Variants in GYG2 observed in about 807,000 individuals in gnomAD.
The protein encoded by GYG2 is glycogenin 2.
GYG2 carries 29 observed loss-of-function variants against 29.4 expected under a neutral mutation model. The ratio of observed to expected loss-of-function variants is 0.99; its 90% CI spans 0.74 to 1.35. The LOEUF is 1.35. Ranked by LOEUF, GYG2 falls within the 40% of genes most tolerant of loss-of-function variation. GYG2 has a pLI of 0.00. For missense variants in GYG2, 370 were observed against 385.7 expected (o/e 0.96, Z 0.34); for synonymous variants, 167 against 172.3 (o/e 0.97, Z 0.24).
chrX:2,861,595 C>T lies in GYG2; in HGVS notation c.911C>T (p.Thr304Ile). The change falls in exon 8 of 11, where the codon ACA (threonine) becomes ATA (isoleucine). Residue 304 changes from threonine (T) to isoleucine (I), a missense_variant. By Grantham distance (89) the Thr-to-Ile change is moderately conservative. Transcript: ENST00000398806. ...SGVGEPCENSTPSAGVPCANS... is the reference protein window; with the variant it reads ...SGVGEPCENSIPSAGVPCANS... ...GTTGGAGAGCCGTGTGAAAATTCAA[C>T]ACCCAGTGCGGGCGTGCCGTGTGCA... 8.3e-7 allele frequency: 1 copy of T among 1,207,476 alleles called. No individual in the cohort carries two copies. The highest frequency in any genetic ancestry group is 1.1e-6 in the Non-Finnish European group (1 of 892,236).
intron 10 of GYG2, chrX:2,877,958 G>A: frequency 2.7e-6 from 2 of 750,523 alleles, no homozygotes; most frequent in Non-Finnish European, 3.1e-6. Context: ...TACTGTGTTG[G>A]CTAAATGCCT....
At chrX:2,836,304 C>T (rs927942915) in intron 2 of GYG2, among the ~76,000 whole-genome samples, 3 of 110,904 alleles carry the variant, frequency 2.7e-5, no homozygotes, top group Non-Finnish European at 5.7e-5. Flanking sequence ...CCAGAATCTA[C>T]AGGGTGGAGC....
chrX:2,833,827 A>G (rs1032390878), intron 2 of GYG2, among the ~76,000 whole-genome samples: 1 of 112,177 alleles, frequency 8.9e-6, no homozygotes, highest in African/African-American at 3.2e-5. Context: ...GTGGCGATCA[A>G]TCACTGATCA....
At chrX:2,854,347 G>A (rs2087931471) in intron 4 of GYG2, among the ~76,000 whole-genome samples, 193 bp downstream of exon 4, 1 of 111,304 alleles carries the variant, frequency 9.0e-6, no homozygotes, top group Admixed American at 9.6e-5. Flanking sequence ...TCAGCCTCCC[G>A]AGTGGCTGCT....
intron 8 of GYG2, among the ~76,000 whole-genome samples, chrX:2,863,501 G>C (rs1042264734): frequency 4.5e-5 from 5 of 112,337 alleles, no homozygotes; most frequent in African/African-American, 1.6e-4. Context: ...GTATACTTCA[G>C]ATAGCTCCGG....
chrX:2,878,294 T>A, intron 10 of GYG2: 1 of 393,424 alleles, frequency 2.5e-6, no homozygotes, highest in Non-Finnish European at 3.2e-6. Flanking sequence ...TTATTATTAT[T>A]ATTATTATTA....
chrX:2,870,157 T>A (rs889234508), intron 8 of GYG2, among the ~76,000 whole-genome samples: 5 of 110,482 alleles, frequency 4.5e-5, no homozygotes, highest in African/African-American at 1.6e-4. Context: ...CATCTTATTT[T>A]ATTCATAATA....
rs775608722 is a variant in GYG2 at position 2,861,581 on chromosome X, G to A, written c.897G>A (p.Pro299=). The change falls in exon 8 of 11, where the codon CCG becomes CCA. Residue 299 remains proline, a synonymous_variant. Coordinates refer to ENST00000398806, the MANE Select transcript of GYG2 (RefSeq NM_001079855.2). ...CADSASGVGE[P]CENSTPSAGV... ...ATTCAGCCTCTGGTGTTGGAGAGCC[G>A]TGTGAAAATTCAACACCCAGTGCGG... The A allele has an allele frequency of 7.3e-5, 88 of 1,206,256 alleles. No individual in the cohort carries two copies. The highest frequency in any genetic ancestry group is 7.6e-5 in the Non-Finnish European group (68 of 892,678).
chrX:2,848,504 A>C (rs112282907), intron 3 of GYG2, among the ~76,000 whole-genome samples: 23,238 of 105,970 alleles, frequency 0.22, 2,567 homozygotes, highest in African/African-American at 0.4. Flanking sequence ...CGCCACCTGC[A>C]CTCCAGCCTG....
At position 2,856,724 on chromosome X, in the gene GYG2, T is replaced by C. The variant is rs2087994779; in HGVS notation, c.614+100T>C. The C allele has an allele frequency of 6.2e-6, 3 of 483,226 alleles. No individual in the cohort carries two copies. In the Admixed American group the frequency reaches 1.1e-4, roughly 18 times the overall value. 39.8% of individuals were successfully genotyped at this position (483,226 alleles called of 1,213,427 possible). A position where few individuals can be genotyped will look rare whatever the true frequency, so the allele number is the denominator to read the frequency against. On this transcript the variant is annotated intron_variant, in intron 6 of 10. Transcript: ENST00000398806. ...GCTGTCGGCATATTTAAAAACTCTA[T>C]CTATCTATCTATCATCTATCTATCT...
chrX:2,829,786 C>G (rs760996978), intron 1 of GYG2, among the ~76,000 whole-genome samples: 1 of 107,371 alleles, frequency 9.3e-6, no homozygotes, highest in Non-Finnish European at 1.9e-5. Flanking sequence ...GGTGGTGTCC[C>G]GGGGGCGTTG....
intron 6 of GYG2, among the ~76,000 whole-genome samples, chrX:2,859,377 G>T (rs1261618617): frequency 9.0e-6 from 1 of 110,870 alleles, no homozygotes. Context: ...TACTATGCTA[G>T]TAGTAGTATA....
In GYG2 at chrX:2,851,229, G is replaced by A. The variant is rs775792092; in HGVS notation, c.150-2751G>A. On this transcript the variant is annotated intron_variant, in intron 3 of 10. Transcript: ENST00000398806. ...GTAATGGTCAATTGTTTTATAGATT[G>A]TTCTTCAGTTGTTTGTTGTTGTTGT... is the stretch of plus-strand genomic sequence containing the variant. Among the ~76,000 whole-genome samples, 7 of 111,325 alleles carry A rather than the reference G, an allele frequency of 6.3e-5. No homozygotes were observed. In the East Asian group the frequency reaches 1.4e-3, roughly 22 times the overall value.
intron 6 of GYG2, among the ~76,000 whole-genome samples, chrX:2,858,037 A>G (rs1187539436): frequency 9.0e-6 from 1 of 110,588 alleles, no homozygotes; most frequent in Non-Finnish European, 1.9e-5. Flanking sequence ...TAATATAGAA[A>G]TTTTTTTAAT....
In GYG2 at chrX:2,880,164, A is replaced by ATGTG. The variant is rs10534403; in HGVS notation, c.1252-864_1252-861dup. 6.5e-3 allele frequency among the ~76,000 whole-genome samples: 683 copies of ATGTG among 105,145 alleles called. 2 individuals carry two copies. The highest frequency in any genetic ancestry group is 0.011 in the African/African-American group (328 of 28,750). 91.3% of individuals were successfully genotyped at this position (105,145 alleles called of 115,157 possible). A position where few individuals can be genotyped will look rare whatever the true frequency, so the allele number is the denominator to read the frequency against. On this transcript the variant is annotated intron_variant, in intron 10 of 10. Coordinates refer to ENST00000398806, the MANE Select transcript of GYG2 (RefSeq NM_001079855.2). ...TTGACTCATCTGAATGCCAAACAAAATGTGTGTGTGTGTGTGTGTGTGTGT... is the reference window on the plus strand; with the variant it reads ...TTGACTCATCTGAATGCCAAACAAAATGTGTGTGTGTGTGTGTGTGTGTGTGTGT...
intron 3 of GYG2, among the ~76,000 whole-genome samples, chrX:2,850,553 C>T (rs982215922): frequency 9.0e-6 from 1 of 111,283 alleles, no homozygotes; most frequent in African/African-American, 3.3e-5. Context: ...CAAGCTAAGC[C>T]GTCATATCCC....
chrX:2,838,452 C>T (rs59389445), intron 2 of GYG2, among the ~76,000 whole-genome samples: 2 of 72,699 alleles, frequency 2.8e-5, no homozygotes, highest in Non-Finnish European at 5.3e-5. Flanking sequence ...CCCCTCCCCT[C>T]CCCTCCCTTC....
chrX:2,843,766 A>G (rs762112436), intron 3 of GYG2, among the ~76,000 whole-genome samples: 10 of 111,448 alleles, frequency 9.0e-5, no homozygotes, highest in African/African-American at 3.3e-4. Flanking sequence ...AGTAGCTGGG[A>G]CCACAAGTAT....
At chrX:2,871,689 CAAATAAATAAATAAATAAAT>C (rs200105400) in intron 8 of GYG2, among the ~76,000 whole-genome samples, 15,322 of 99,877 alleles carry the variant, frequency 0.15, 950 homozygotes, top group South Asian at 0.37. Flanking sequence ...GACTCCGTCT[CAAATAAATAAATAAATAAAT>C]AAATAAATAA....
Sources: allele counts gnomAD v4.1 joint callset (sites outside exome capture counted in the v4.1 genomes callset), GRCh38; gene constraint gnomAD v4.1.1; transcripts MANE v1.5; gene names NCBI Gene and HGNC (gene_info 2026-07-23, HGNC 2026-07-21).